The following RGS17 variants were observed in gnomAD, a reference collection of about 807,000 sequenced individuals.
RGS17 encodes regulator of G-protein signaling 17.
RGS17 carries 12 observed loss-of-function variants against 25.5 expected under a neutral mutation model. The ratio of observed to expected loss-of-function variants is 0.47; its 90% CI spans 0.30 to 0.76. RGS17 has a LOEUF of 0.76. Among genes scored for constraint, RGS17 ranks in the 30% least tolerant of loss-of-function variants. RGS17 has a pLI of 0.07. For missense variants in RGS17, 196 were observed against 242.2 expected (o/e 0.81, Z 1.27); for synonymous variants, 71 against 76.9 (o/e 0.92, Z 0.40).
intron 1 of RGS17, among the ~76,000 whole-genome samples, chr6:153,054,018 GTATATAATA>G (rs1776509357): frequency 4.7e-5 from 1 of 21,356 alleles, no homozygotes; most frequent in Non-Finnish European, 9.1e-5. Flanking sequence ...ACGTATATAT[GTATATAATA>G]TATATACATA....
rs1779336401 is a variant in RGS17 at position 153,029,310 on chromosome 6, A to G, written c.120-2767T>C. 2.0e-5 allele frequency among the ~76,000 whole-genome samples: 3 copies of G among 152,212 alleles called. No homozygotes were observed. In the South Asian group the frequency reaches 6.2e-4, roughly 32 times the overall value. The stretch of plus-strand genomic sequence containing the variant: ...AAAAATGGGTTTCAAGGTTTCAGTT[A>G]TCAAGAACTGCTGAAAATACCATTT... On this transcript the variant is annotated intron_variant, in intron 2 of 4. Coordinates refer to ENST00000206262, the MANE Select transcript of RGS17 (RefSeq NM_012419.5).
chr6:153,099,240 TTC>T (rs991157276), intron 1 of RGS17, among the ~76,000 whole-genome samples: 5 of 152,242 alleles, frequency 3.3e-5, no homozygotes, highest in African/African-American at 1.2e-4. Context: ...ATGCTTCACC[TTC>T]TCTTTTTCTC....
intron 1 of RGS17, among the ~76,000 whole-genome samples, chr6:153,108,551 T>G (rs1777418843): frequency 6.6e-6 from 1 of 151,964 alleles, no homozygotes; most frequent in Non-Finnish European, 1.5e-5. Context: ...ATGAGCCATA[T>G]ATTTCCTTGA....
Position 153,010,609 on chromosome 6 carries a change from G to A in RGS17, c.*965C>T, listed in dbSNP as rs1324459548. ...GCTATTCATCAAAATGTTTTACAGT[G>A]CTACATGTAGGCATTCCTTTATTAA... On this transcript the variant is annotated 3_prime_UTR_variant, in exon 5 of 5. Transcript: ENST00000206262. The A allele has an allele frequency of 1.3e-5, 2 of 151,962 alleles. No homozygotes were observed. The highest frequency in any genetic ancestry group is 2.9e-5 in the Non-Finnish European group (2 of 67,884). The allele number at this position is 151,962 out of a possible 1,614,324, so 9.4% of individuals were successfully genotyped here. A position where few individuals can be genotyped will look rare whatever the true frequency, so the allele number is the denominator to read the frequency against.
intron 1 of RGS17, among the ~76,000 whole-genome samples, chr6:153,064,306 A>G (rs555336329): frequency 9.2e-5 from 14 of 152,306 alleles, no homozygotes; most frequent in Admixed American, 1.3e-4. Flanking sequence ...AGACAGTACA[A>G]TAAGATATAA....
intron 1 of RGS17, among the ~76,000 whole-genome samples, chr6:153,096,703 T>C (rs1204239012): frequency 1.3e-5 from 2 of 152,196 alleles, no homozygotes; most frequent in Admixed American, 1.3e-4. Context: ...ATGAGGAATA[T>C]TTTATATTAC....
At chr6:153,111,842 G>A (rs933537486) in intron 1 of RGS17, among the ~76,000 whole-genome samples, 2 of 152,192 alleles carry the variant, frequency 1.3e-5, no homozygotes, top group African/African-American at 4.8e-5. Flanking sequence ...CAGCAGGGGG[G>A]CCTGACTGTT....
intron 2 of RGS17, among the ~76,000 whole-genome samples, chr6:153,026,824 TTC>T (rs1179666651): frequency 6.6e-6 from 1 of 152,110 alleles, no homozygotes; most frequent in East Asian, 1.9e-4. Context: ...TACTGAATAT[TTC>T]TGAGATATAT....
chr6:153,099,526 G>A (rs1332317400), intron 1 of RGS17, among the ~76,000 whole-genome samples: 1 of 152,120 alleles, frequency 6.6e-6, no homozygotes, highest in East Asian at 1.9e-4. Context: ...AAAAATTGCT[G>A]TATCTGTCCT....
chr6:153,026,719 A>T (rs915799851), intron 2 of RGS17, among the ~76,000 whole-genome samples, 176 bp from the exon 3 acceptor site: 7 of 152,222 alleles, frequency 4.6e-5, no homozygotes, highest in Non-Finnish European at 8.8e-5. Context: ...TGTCAAAGGG[A>T]AGAGAATAAT....
At chr6:153,018,601 T>C (rs1329356798) in intron 4 of RGS17, among the ~76,000 whole-genome samples, 2 of 152,232 alleles carry the variant, frequency 1.3e-5, no homozygotes, top group Admixed American at 6.5e-5. Flanking sequence ...ATTTGAATTT[T>C]ACCTTCTCAG....
intron 4 of RGS17, chr6:153,023,395 A>G (rs531661561): frequency 9.8e-6 from 5 of 511,046 alleles, no homozygotes; most frequent in South Asian, 2.8e-5. Flanking sequence ...AGGAACCTCT[A>G]TGTTCTCTAA....
At position 153,026,542 on chromosome 6, in the gene RGS17, G is replaced by A. The variant is rs1265010677; in HGVS notation, c.121C>T (p.Leu41Phe). The part of the protein sequence containing the change: ...CWCCCCSCSC[L>F]TVRNEERGEN... The stretch of plus-strand genomic sequence containing the variant: ...CCTCTTTCTTCATTCCTCACAGTGA[G>A]GCTGTAATGTAACAGAACATTTAAT... The change falls in exon 3 of 5, where the codon CTC becomes TTC. Residue 41 changes from leucine to phenylalanine, a missense_variant and splice_region_variant. By Grantham distance (22) the Leu-to-Phe change is conservative. Coordinates refer to ENST00000206262, the MANE Select transcript of RGS17 (RefSeq NM_012419.5). 1.9e-6 allele frequency: 3 copies of A among 1,609,524 alleles called. No individual in the cohort carries two copies. The highest frequency in any genetic ancestry group is 2.5e-6 in the Non-Finnish European group (3 of 1,176,540).
intron 1 of RGS17, among the ~76,000 whole-genome samples, chr6:153,121,803 G>A (rs1038903786): frequency 1.3e-5 from 2 of 152,088 alleles, no homozygotes; most frequent in East Asian, 1.9e-4. Flanking sequence ...TATCACCTAC[G>A]AGAATTTTAA....
At chr6:153,111,741 A>G (rs1777472880) in intron 1 of RGS17, among the ~76,000 whole-genome samples, 1 of 152,190 alleles carries the variant, frequency 6.6e-6, no homozygotes, top group Non-Finnish European at 1.5e-5. Context: ...CTTCCAGAGG[A>G]AGGAACAGGC....
chr6:153,004,978 T>G lies in RGS17; in HGVS notation c.*6596A>C, dbSNP rs1779058605. 1.3e-5 allele frequency: 2 copies of G among 152,140 alleles called. 1 individual carries two copies. The highest frequency in any genetic ancestry group is 4.1e-4 in the South Asian group (2 of 4,824). The allele number at this position is 152,140 out of a possible 1,614,324, so 9.4% of individuals were successfully genotyped here. ...AAATTATACACATTCGATATGTAAT[T>G]TTACAAAACCAAACACATTGAATTC... On this transcript the variant is annotated 3_prime_UTR_variant, in exon 5 of 5. Coordinates refer to ENST00000206262, the MANE Select transcript of RGS17 (RefSeq NM_012419.5).
chr6:153,044,143 AT>A (rs1776358448), intron 1 of RGS17, 100 bp from the exon 2 acceptor site: 1 of 671,926 alleles, frequency 1.5e-6, no homozygotes, highest in African/African-American at 1.9e-5. Context: ...GAGGGAGGTA[AT>A]TTAAGAAAAG....
At chr6:153,032,664 G>A (rs775850502) in intron 2 of RGS17, among the ~76,000 whole-genome samples, 4 of 151,650 alleles carry the variant, frequency 2.6e-5, no homozygotes, top group East Asian at 1.9e-4. Context: ...TCAGTTTTTC[G>A]GTGAGTGTAA....
chr6:153,045,626 T>C (rs1043930538), intron 1 of RGS17, among the ~76,000 whole-genome samples: 2 of 152,132 alleles, frequency 1.3e-5, no homozygotes, highest in Non-Finnish European at 2.9e-5. Context: ...CAGTAAGAAA[T>C]ACATCTCTCA....
Sources: gnomAD v4.1 joint callset for allele counts (sites outside exome capture counted in the v4.1 genomes callset) on GRCh38, gnomAD v4.1.1 for gene constraint, MANE v1.5 for transcripts, NCBI Gene and HGNC (gene_info 2026-07-23, HGNC 2026-07-21) for gene names.